The following ROBO1 variants were observed in gnomAD, a reference collection of about 807,000 sequenced individuals.
The protein encoded by ROBO1 is roundabout guidance receptor 1, also known as roundabout homolog 1.
In ROBO1, 149 loss-of-function variants were observed where a neutral mutation model predicts 195.9. The observed-to-expected ratio is 0.76, with a 90% CI of 0.67 to 0.87. The LOEUF is 0.87. Among genes scored for constraint, ROBO1 ranks in the 40% least tolerant of loss-of-function variants. The pLI, the probability that ROBO1 is intolerant of heterozygous loss-of-function variation, is 0.00. For missense variants in ROBO1, 1,933 were observed against 2,068.3 expected, an observed-to-expected ratio of 0.93 and a Z score of 1.27; for synonymous variants, 816 against 733.2, an observed-to-expected ratio of 1.11 and a Z score of -1.82.
At chr3:79,203,960 TTTTCA>T (rs1486563157) in intron 2 of ROBO1, among the ~76,000 whole-genome samples, 1 of 152,226 alleles carries the variant, frequency 6.6e-6, no homozygotes, top group East Asian at 1.9e-4. Context: ...TATCCTTTTA[TTTTCA>T]TTTCTTATTT....
chr3:79,053,118 C>T (rs899691835), intron 3 of ROBO1, among the ~76,000 whole-genome samples: 16 of 152,102 alleles, frequency 1.1e-4, no homozygotes, highest in African/African-American at 3.6e-4. Flanking sequence ...AAATTATGTT[C>T]CTGTCACTGT....
At chr3:78,900,918 T>A (rs926186837) in intron 4 of ROBO1, among the ~76,000 whole-genome samples, 5 of 152,084 alleles carry the variant, frequency 3.3e-5, no homozygotes, top group South Asian at 4.1e-4. Flanking sequence ...AAAAAGAAGA[T>A]AAAATAGAAA....
Position 79,481,653 on chromosome 3 carries a change from C to T in ROBO1, c.88+108171G>A, listed in dbSNP as rs529298892. Among the ~76,000 whole-genome samples the T allele has an allele frequency of 1.8e-4, 27 of 152,212 alleles. No individual in the cohort carries two copies. In the South Asian group the frequency reaches 2.5e-3, roughly 14 times the overall value. ...CTGTGCTACTGGTATTTAAAATTTT[C>T]GAACCATTTTTAGTGCCAACATTGA... On this transcript the variant is annotated intron_variant, in intron 2 of 30. Transcript: ENST00000464233.
chr3:79,687,595 T>G (rs899143816), intron 1 of ROBO1, among the ~76,000 whole-genome samples: 1 of 152,164 alleles, frequency 6.6e-6, no homozygotes, highest in Non-Finnish European at 1.5e-5. Flanking sequence ...AAGACATTTA[T>G]GCATCCAACA....
chr3:79,511,958 ATAAT>A (rs1318464610), intron 2 of ROBO1, among the ~76,000 whole-genome samples: 1 of 151,978 alleles, frequency 6.6e-6, no homozygotes, highest in African/African-American at 2.4e-5. Context: ...ATCAGGAAAA[ATAAT>A]TAATGGATAC....
At chr3:79,400,062 C>T (rs2037307008) in intron 2 of ROBO1, among the ~76,000 whole-genome samples, 1 of 152,084 alleles carries the variant, frequency 6.6e-6, no homozygotes, top group African/African-American at 2.4e-5. Context: ...GTGTTCTGAT[C>T]AGTCCTCTGA....
intron 3 of ROBO1, among the ~76,000 whole-genome samples, chr3:79,026,946 GACATACATATGTTGGGATTT>G (rs772226297): frequency 8.6e-5 from 13 of 151,974 alleles, no homozygotes; most frequent in Non-Finnish European, 1.6e-4. Flanking sequence ...TTGTAGGATT[GACATACATATGTTGGGATTT>G]ATGTCTTATT....
chr3:79,087,200 A>G (rs2079387049), intron 3 of ROBO1, among the ~76,000 whole-genome samples: 1 of 152,114 alleles, frequency 6.6e-6, no homozygotes, highest in African/African-American at 2.4e-5. Flanking sequence ...AACTCTAGAA[A>G]AACTGAAAAA....
At chr3:79,473,140 G>A (rs1460953885) in intron 2 of ROBO1, among the ~76,000 whole-genome samples, 1 of 152,134 alleles carries the variant, frequency 6.6e-6, no homozygotes, top group Non-Finnish European at 1.5e-5. Flanking sequence ...AGATACAGGT[G>A]TCTTGTGTTT....
chr3:79,597,061 C>T (rs1046124579), intron 1 of ROBO1, among the ~76,000 whole-genome samples: 1 of 151,916 alleles, frequency 6.6e-6, no homozygotes, highest in African/African-American at 2.4e-5. Context: ...ATATGTCATA[C>T]TGTTTCCAAA....
intron 2 of ROBO1, among the ~76,000 whole-genome samples, chr3:79,263,364 C>T (rs1300042871): frequency 6.6e-6 from 1 of 152,020 alleles, no homozygotes; most frequent in Non-Finnish European, 1.5e-5. Flanking sequence ...TTCTCAAGAT[C>T]AGGGCTGGGT....
At chr3:79,244,836 C>A (rs1283108232) in intron 2 of ROBO1, among the ~76,000 whole-genome samples, 1 of 151,934 alleles carries the variant, frequency 6.6e-6, no homozygotes, top group Non-Finnish European at 1.5e-5. Flanking sequence ...GCATTATTTT[C>A]TGTTTTTTTC....
intron 2 of ROBO1, among the ~76,000 whole-genome samples, chr3:79,129,211 C>A (rs1221735302): frequency 6.6e-6 from 1 of 152,118 alleles, no homozygotes; most frequent in Non-Finnish European, 1.5e-5. Flanking sequence ...ACATATTTTA[C>A]ATAAATATTA....
At chr3:78,681,805 G>C (rs558555677) in intron 10 of ROBO1, among the ~76,000 whole-genome samples, 2 of 152,166 alleles carry the variant, frequency 1.3e-5, no homozygotes, top group Admixed American at 1.3e-4. Context: ...GAGAGGCTGA[G>C]GCAGGAGAAT....
At chr3:79,412,547 C>G (rs2106866805) in intron 2 of ROBO1, among the ~76,000 whole-genome samples, 1 of 152,238 alleles carries the variant, frequency 6.6e-6, no homozygotes, top group Non-Finnish European at 1.5e-5. Context: ...CCCACTTGTT[C>G]ACAGAGCTCT....
At chr3:79,331,600 T>C (rs1295939123) in intron 2 of ROBO1, among the ~76,000 whole-genome samples, 1 of 152,210 alleles carries the variant, frequency 6.6e-6, no homozygotes, top group African/African-American at 2.4e-5. Flanking sequence ...AGAAAGCATG[T>C]AATGATGATT....
chr3:79,353,185 C>G (rs1218784548), intron 2 of ROBO1, among the ~76,000 whole-genome samples: 1 of 152,032 alleles, frequency 6.6e-6, no homozygotes, highest in Non-Finnish European at 1.5e-5. Context: ...TTTATTCAAT[C>G]TCAAAATGTT....
intron 2 of ROBO1, among the ~76,000 whole-genome samples, chr3:79,173,998 C>T (rs929942980): frequency 2.6e-5 from 4 of 152,154 alleles, no homozygotes; most frequent in Non-Finnish European, 4.4e-5. Flanking sequence ...GGATTGCAAA[C>T]GCACCAATCA....
chr3:79,533,729 T>A (rs1224485149), intron 2 of ROBO1, among the ~76,000 whole-genome samples: 1 of 152,138 alleles, frequency 6.6e-6, no homozygotes, highest in Non-Finnish European at 1.5e-5. Flanking sequence ...ATTTACAAGC[T>A]CTTTTGAAAT....
Sources: gnomAD v4.1 joint callset for allele counts (sites outside exome capture counted in the v4.1 genomes callset) on GRCh38, gnomAD v4.1.1 for gene constraint, MANE v1.5 for transcripts, NCBI Gene and HGNC (gene_info 2026-07-23, HGNC 2026-07-21) for gene names.